Variants in ANKS1B observed in about 807,000 individuals in gnomAD.
The protein encoded by ANKS1B is ankyrin repeat and sterile alpha motif domain containing 1B, also known as ankyrin repeat and sterile alpha motif domain-containing protein 1B.
Under a neutral mutation model 148.3 loss-of-function variants are expected in ANKS1B, and 36 were observed. That is an observed-to-expected ratio of 0.24 (90% confidence interval 0.19 to 0.32). The LOEUF is 0.32. Ranked by LOEUF, ANKS1B falls within the 10% of genes least tolerant of loss-of-function variation. The pLI, the probability that ANKS1B is intolerant of heterozygous loss-of-function variation, is 1.00. For missense variants in ANKS1B, 1,157 were observed against 1,542.6 expected (o/e 0.75, Z 4.19); for synonymous variants, 542 against 560.8 (o/e 0.97, Z 0.47).
intron 17 of ANKS1B, among the ~76,000 whole-genome samples, chr12:98,955,674 G>A (rs541853941): frequency 2.6e-5 from 4 of 152,288 alleles, no homozygotes; most frequent in Non-Finnish European, 5.9e-5. Flanking sequence ...ATGAGAGACA[G>A]AGAGGCATCC....
At chr12:99,443,043 T>C (rs1446963281) in intron 11 of ANKS1B, among the ~76,000 whole-genome samples, 1 of 151,846 alleles carries the variant, frequency 6.6e-6, no homozygotes, top group Non-Finnish European at 1.5e-5. Context: ...CCCAATGATA[T>C]TTCTAAAGCT....
chr12:98,773,454 CT>C (rs901373660), intron 24 of ANKS1B, among the ~76,000 whole-genome samples: 11 of 151,404 alleles, frequency 7.3e-5, no homozygotes, highest in South Asian at 2.1e-4. Context: ...GTGGCGGCCA[CT>C]TTTTTTTTGT....
chr12:99,561,408 T>C (rs1177009625), intron 9 of ANKS1B, among the ~76,000 whole-genome samples: 1 of 152,198 alleles, frequency 6.6e-6, no homozygotes, highest in Non-Finnish European at 1.5e-5. Flanking sequence ...TGAGGCCTCA[T>C]TGTATGTTGT....
At chr12:99,118,034 A>G (rs534303987) in intron 15 of ANKS1B, among the ~76,000 whole-genome samples, 1 of 152,316 alleles carries the variant, frequency 6.6e-6, no homozygotes, top group Non-Finnish European at 1.5e-5. Context: ...CTGTGGGATC[A>G]GTGGTGATAT....
chr12:99,241,597 A>G (rs2089339069), intron 14 of ANKS1B, among the ~76,000 whole-genome samples: 1 of 152,220 alleles, frequency 6.6e-6, no homozygotes, highest in Non-Finnish European at 1.5e-5. Flanking sequence ...CACAACAACA[A>G]AAGAGAATTT....
intron 9 of ANKS1B, among the ~76,000 whole-genome samples, chr12:99,518,245 T>C (rs1184353230): frequency 6.6e-6 from 1 of 152,132 alleles, no homozygotes; most frequent in Admixed American, 6.6e-5. Flanking sequence ...AGTTTGGAAG[T>C]ATTCTCTCCT....
chr12:99,628,683 G>C (rs189488141), intron 9 of ANKS1B, among the ~76,000 whole-genome samples: 4 of 152,232 alleles, frequency 2.6e-5, no homozygotes, highest in Admixed American at 2.0e-4. Context: ...CACAGTTCTG[G>C]AGGATGGGAC....
chr12:98,764,706 G>T (rs1366959495), intron 25 of ANKS1B, among the ~76,000 whole-genome samples: 1 of 152,160 alleles, frequency 6.6e-6, no homozygotes, highest in Non-Finnish European at 1.5e-5. Context: ...CTGATACCCT[G>T]AGTTCACTAT....
Position 99,701,593 on chromosome 12 carries a change from T to C in ANKS1B, c.1129-46383A>G, listed in dbSNP as rs900488423. 2.0e-5 allele frequency among the ~76,000 whole-genome samples: 3 copies of C among 152,122 alleles called. No individual in the cohort carries two copies. The East Asian group carries it at 5.8e-4, about 29-fold the overall frequency. ...AAATGTACAACATATTATTGCCGAC[T>C]ACAGACACCCTGTTGTGCTATTAAA... On this transcript the variant is annotated intron_variant, in intron 8 of 26. Transcript: ENST00000683438.
intron 1 of ANKS1B, among the ~76,000 whole-genome samples, chr12:99,900,505 C>CAA (rs71303560): frequency 0.05 from 3,498 of 69,274 alleles, 159 homozygotes; most frequent in African/African-American, 0.085. Context: ...GACTCCATCT[C>CAA]AAAAAAAAAA....
rs2099838676 is a variant in ANKS1B, at chr12:98,942,547, A to G, written c.2779-110411T>C. On this transcript the variant is annotated intron_variant, in intron 17 of 26. Coordinates refer to ENST00000683438, the MANE Select transcript of ANKS1B (RefSeq NM_001352186.2). ...TCTAGGTTAGGTTCCCCTCAGCAGA[A>G]TGTCCTTCTCTGTTCTAGCACTCCC... Among the ~76,000 whole-genome samples, 3 of 152,162 alleles carry G rather than the reference A, an allele frequency of 2.0e-5. No homozygotes were observed. In the South Asian group the frequency reaches 6.2e-4, roughly 32 times the overall value.
chr12:99,895,523 C>T (rs2093351242), intron 1 of ANKS1B, among the ~76,000 whole-genome samples: 1 of 150,550 alleles, frequency 6.6e-6, no homozygotes. Flanking sequence ...AAAGTCAAAG[C>T]CAGGAGGTCA....
At chr12:99,896,236 AT>A (rs1258186212) in intron 1 of ANKS1B, among the ~76,000 whole-genome samples, 1 of 150,998 alleles carries the variant, frequency 6.6e-6, no homozygotes, top group East Asian at 1.9e-4. Context: ...CCATCTGCCC[AT>A]TTCTCCCACA....
intron 9 of ANKS1B, among the ~76,000 whole-genome samples, chr12:99,540,328 T>C (rs570073159): frequency 1.3e-5 from 2 of 152,278 alleles, no homozygotes; most frequent in Admixed American, 6.5e-5. Context: ...CAGACATCTA[T>C]AGACTACTCT....
At chr12:99,083,262 T>C (rs2050461699) in intron 16 of ANKS1B, among the ~76,000 whole-genome samples, 1 of 152,164 alleles carries the variant, frequency 6.6e-6, no homozygotes, top group South Asian at 2.1e-4. Context: ...CTAGAAAGAA[T>C]AGGAGGATAG....
At chr12:98,827,364 G>A (rs1294605768) in intron 19 of ANKS1B, among the ~76,000 whole-genome samples, 1 of 152,168 alleles carries the variant, frequency 6.6e-6, no homozygotes, top group Non-Finnish European at 1.5e-5. Context: ...TCCACATGAG[G>A]GGAATGCATG....
intron 4 of ANKS1B, among the ~76,000 whole-genome samples, chr12:99,805,766 C>T (rs1567882166): frequency 6.6e-6 from 1 of 151,876 alleles, no homozygotes; most frequent in Non-Finnish European, 1.5e-5. Flanking sequence ...CACACCTTTT[C>T]CATTTTTTTT....
At position 98,801,645 on chromosome 12, in the gene ANKS1B, T is replaced by C. The variant is rs1452085376; in HGVS notation, c.3142-520A>G. 2.0e-5 allele frequency among the ~76,000 whole-genome samples: 3 copies of C among 152,336 alleles called. No individual in the cohort carries two copies. The South Asian group carries it at 6.2e-4, about 32-fold the overall frequency. ...AAAATTTAAAAGAAAAATTTACTAA[T>C]GGGTGACACTAATTTCTCTCATCTG... is the stretch of plus-strand genomic sequence containing the variant. On this transcript the variant is annotated intron_variant, in intron 20 of 26. Transcript: ENST00000683438. The surrounding 1 kb of genome is among the most constrained non-coding windows in gnomAD (Gnocchi z 5.2).
chr12:99,256,262 GAA>G (rs961251043), intron 12 of ANKS1B, among the ~76,000 whole-genome samples: 1 of 137,398 alleles, frequency 7.3e-6, no homozygotes, highest in African/African-American at 2.7e-5. Flanking sequence ...AAAAAAAAAA[GAA>G]AAAAAAAAGA....
Sources: gnomAD v4.1 joint callset for allele counts (sites outside exome capture counted in the v4.1 genomes callset) on GRCh38, gnomAD v4.1.1 for gene constraint, Gnocchi (gnomAD v3.1) non-coding constraint, MANE v1.5 for transcripts, NCBI Gene and HGNC (gene_info 2026-07-23, HGNC 2026-07-21) for gene names.